Variants in ABTB3 observed in about 807,000 individuals in gnomAD.
ABTB3 encodes ankyrin repeat- and BTB/POZ domain-containing protein 3.
At chr12:107,389,117 G>T in the ABTB3 span, among the ~76,000 whole-genome samples, 52 of 152,058 alleles carry the variant, frequency 3.4e-4, no homozygotes, top group East Asian at 8.9e-3. Flanking sequence ...GTACTTCAAA[G>T]ATCACAAGCT....
At chr12:107,349,980 G>A in the ABTB3 span, among the ~76,000 whole-genome samples, 7 of 152,140 alleles carry the variant, frequency 4.6e-5, no homozygotes, top group Non-Finnish European at 7.3e-5. Context: ...AAATACCCCG[G>A]TGACTGTGAG....
chr12:107,432,508 G>A, the ABTB3 span, among the ~76,000 whole-genome samples: 1 of 152,190 alleles, frequency 6.6e-6, no homozygotes, highest in Non-Finnish European at 1.5e-5. Flanking sequence ...GGTTCCCAGT[G>A]CACTGAAAGT....
the ABTB3 span, among the ~76,000 whole-genome samples, chr12:107,343,045 C>T: frequency 6.6e-6 from 1 of 152,120 alleles, no homozygotes; most frequent in African/African-American, 2.4e-5. Context: ...GACAGGATCT[C>T]ATTCTGTCAC....
At chr12:107,557,125 A>C in the ABTB3 span, among the ~76,000 whole-genome samples, 1 of 152,232 alleles carries the variant, frequency 6.6e-6, no homozygotes. Flanking sequence ...GTTGCTTAAC[A>C]ATGAGGATAC....
chr12:107,466,050 T>C, the ABTB3 span, among the ~76,000 whole-genome samples: 5 of 152,066 alleles, frequency 3.3e-5, no homozygotes, highest in Admixed American at 3.3e-4. Flanking sequence ...TAAACAACAG[T>C]CATAAGCCAA....
At chr12:107,354,989 A>C in the ABTB3 span, among the ~76,000 whole-genome samples, 1 of 152,136 alleles carries the variant, frequency 6.6e-6, no homozygotes, top group East Asian at 1.9e-4. Context: ...ATATGATTAC[A>C]TTCTTTTTTG....
the ABTB3 span, among the ~76,000 whole-genome samples, chr12:107,517,352 C>A: frequency 6.6e-6 from 1 of 152,178 alleles, no homozygotes; most frequent in Non-Finnish European, 1.5e-5. Flanking sequence ...GCAATGCGGG[C>A]TCTTTTTTGT....
At chr12:107,654,301 TTTTG>T in the ABTB3 span, among the ~76,000 whole-genome samples, 15 of 151,900 alleles carry the variant, frequency 9.9e-5, no homozygotes, top group African/African-American at 2.4e-4. Flanking sequence ...TTTTCTTTGT[TTTTG>T]TTTGTTTGTT....
At chr12:107,415,375 C>T in the ABTB3 span, among the ~76,000 whole-genome samples, 4 of 152,040 alleles carry the variant, frequency 2.6e-5, no homozygotes, top group African/African-American at 7.2e-5. Flanking sequence ...GAACAGTGCC[C>T]ACTACAGAGG....
the ABTB3 span, chr12:107,640,548 C>T: frequency 3.6e-6 from 2 of 563,150 alleles, no homozygotes; most frequent in South Asian, 2.9e-5. Context: ...TTCAAGAGTA[C>T]AGGGAAGCTG....
the ABTB3 span, among the ~76,000 whole-genome samples, chr12:107,332,379 A>G: frequency 1.7e-3 from 261 of 152,318 alleles, no homozygotes; most frequent in African/African-American, 6.0e-3. Flanking sequence ...TAGCTGCTCT[A>G]TGAGGCAGAT....
At chr12:107,499,791 T>C in the ABTB3 span, among the ~76,000 whole-genome samples, 1 of 151,946 alleles carries the variant, frequency 6.6e-6, no homozygotes, top group Non-Finnish European at 1.5e-5. Context: ...GTTCAAGCGA[T>C]TCTCCTGCCT....
At chr12:107,372,693 C>T in the ABTB3 span, among the ~76,000 whole-genome samples, 1 of 152,214 alleles carries the variant, frequency 6.6e-6, no homozygotes, top group African/African-American at 2.4e-5. Context: ...GCCACTGCTT[C>T]ACCCCCTTGC....
the ABTB3 span, among the ~76,000 whole-genome samples, chr12:107,441,107 C>T: frequency 6.6e-6 from 1 of 152,110 alleles, no homozygotes; most frequent in Admixed American, 6.5e-5. Flanking sequence ...CTGTGATTCT[C>T]GAAATCTTAG....
At chr12:107,482,438 A>C in the ABTB3 span, among the ~76,000 whole-genome samples, 1 of 152,134 alleles carries the variant, frequency 6.6e-6, no homozygotes, top group East Asian at 1.9e-4. Flanking sequence ...GATTTGGGGC[A>C]CTGGCTTGGA....
the ABTB3 span, among the ~76,000 whole-genome samples, chr12:107,526,742 T>C: frequency 7.9e-5 from 12 of 152,200 alleles, no homozygotes; most frequent in African/African-American, 2.9e-4. Context: ...AACAGGACCA[T>C]TAATTTACAA....
At chr12:107,386,166 C>T in the ABTB3 span, among the ~76,000 whole-genome samples, 1 of 152,210 alleles carries the variant, frequency 6.6e-6, no homozygotes, top group Admixed American at 6.5e-5. Context: ...CACCTCTCTA[C>T]CTTTTACCTA....
At chr12:107,392,633 G>A in the ABTB3 span, among the ~76,000 whole-genome samples, 2 of 152,080 alleles carry the variant, frequency 1.3e-5, no homozygotes, top group African/African-American at 2.4e-5. Flanking sequence ...GGCTATCTTT[G>A]ACCAAATTCC....
chr12:107,489,194 C>T, the ABTB3 span, among the ~76,000 whole-genome samples: 17 of 152,078 alleles, frequency 1.1e-4, no homozygotes, highest in Admixed American at 7.9e-4. Context: ...CTTTAGAAAA[C>T]GAATATAGCA....
Sources: allele counts gnomAD v4.1 joint callset (sites outside exome capture counted in the v4.1 genomes callset), GRCh38; gene constraint gnomAD v4.1.1; transcripts MANE v1.5; gene names NCBI Gene and HGNC (gene_info 2026-07-23, HGNC 2026-07-21).